PLEKHA6: variants seen among roughly 807,000 people sequenced by gnomAD.
PLEKHA6 encodes the protein pleckstrin homology domain-containing family A member 6.
Under a neutral mutation model 116.7 loss-of-function variants are expected in PLEKHA6, and 60 were observed. The ratio of observed to expected loss-of-function variants is 0.51; its 90% confidence interval spans 0.42 to 0.64. PLEKHA6 has a LOEUF of 0.64. Among genes scored for constraint, PLEKHA6 ranks in the 30% least tolerant of loss-of-function variants. The probability of loss-of-function intolerance (pLI) is 0.00; values close to 1 mark genes in which losing one functional copy is unlikely to be tolerated. For missense variants in PLEKHA6, 1,338 were observed against 1,422.7 expected (o/e 0.94, Z 0.96); for synonymous variants, 489 against 556.1 (o/e 0.88, Z 1.70).
intron 22 of PLEKHA6, among the ~76,000 whole-genome samples, 162 bp from the exon 23 acceptor site, chr1:204,222,941 C>G (rs1018598918): frequency 3.3e-5 from 5 of 152,224 alleles, no homozygotes; most frequent in African/African-American, 1.2e-4. Flanking sequence ...AGTCAGTGTT[C>G]TTTTCTACTT....
chr1:204,313,657 C>T (rs1323837362), intron 1 of PLEKHA6: 20 of 984,542 alleles, frequency 2.0e-5, no homozygotes, highest in East Asian at 2.3e-4. Flanking sequence ...CACCTCCATG[C>T]CCCCATCCTC....
Position 204,247,416 on chromosome 1 carries a change from C to T in PLEKHA6, c.1869G>A (p.Glu623=), listed in dbSNP as rs751681297. 1 of 1,613,578 alleles carries T rather than the reference C, an allele frequency of 6.2e-7. No homozygotes were observed. Among genetic ancestry groups the T allele is most frequent in the Non-Finnish European group, 8.5e-7 (1 of 1,179,654 alleles). Residue 623 remains glutamate (E), a synonymous_variant, in exon 13 of 23, where the codon GAG becomes GAA. Transcript: ENST00000272203. ...AGAGGTCATCGTGCAGGGCAGAGAC[C>T]TCAGACTCGAGGTGCTCATACTCTA... ...STIEYEHLES[E]VSALHDDLWE... is the part of the protein sequence containing the mutation.
chr1:204,261,469 T>A lies in PLEKHA6; in HGVS notation c.382-21A>T. 6.3e-7 allele frequency: 1 copy of A among 1,593,664 alleles called. No homozygotes were observed. The highest frequency in any genetic ancestry group is 8.6e-7 in the Non-Finnish European group (1 of 1,168,404). On this transcript the variant is annotated intron_variant, in intron 6 of 22. Coordinates refer to ENST00000272203, the MANE Select transcript of PLEKHA6 (RefSeq NM_014935.5). The surrounding 1 kb of genome is among the most constrained non-coding windows in gnomAD (Gnocchi z 4.0). ...TCAGCCTGTGGGGAGAGGCAGCGTGTGGAGCTGGCCTCGGCCTCATCCACC... is the reference window on the plus strand; with the variant it reads ...TCAGCCTGTGGGGAGAGGCAGCGTGAGGAGCTGGCCTCGGCCTCATCCACC...
At chr1:204,327,098 G>T in intron 1 of PLEKHA6, 1 of 699,990 alleles carries the variant, frequency 1.4e-6, no homozygotes, top group Non-Finnish European at 1.8e-6. Context: ...GCCACTCTCT[G>T]CTCACATGCT....
chr1:204,253,922 T>A (rs546651479), intron 9 of PLEKHA6, among the ~76,000 whole-genome samples: 1 of 151,916 alleles, frequency 6.6e-6, no homozygotes, highest in South Asian at 2.1e-4. Flanking sequence ...TCTGGAAGGC[T>A]AGTTCTGAAG....
intron 1 of PLEKHA6, among the ~76,000 whole-genome samples, chr1:204,294,854 A>G (rs1670119340): frequency 6.6e-6 from 1 of 152,212 alleles, no homozygotes; most frequent in African/African-American, 2.4e-5. Flanking sequence ...CACTTAGTAA[A>G]TGTTCAATAA....
chr1:204,306,350 G>A (rs1671302056), intron 1 of PLEKHA6, among the ~76,000 whole-genome samples: 1 of 152,076 alleles, frequency 6.6e-6, no homozygotes, highest in African/African-American at 2.4e-5. Flanking sequence ...TTGCCACCAA[G>A]AAACACCACA....
intron 1 of PLEKHA6, among the ~76,000 whole-genome samples, chr1:204,345,289 G>GT (rs148626172): frequency 0.017 from 2,561 of 152,168 alleles, 63 homozygotes; most frequent in African/African-American, 0.055. Context: ...GACACTCTCT[G>GT]TCTCCATGCT....
At chr1:204,346,187 G>C (rs1673039007) in intron 1 of PLEKHA6, among the ~76,000 whole-genome samples, 1 of 152,168 alleles carries the variant, frequency 6.6e-6, no homozygotes, top group African/African-American at 2.4e-5. Flanking sequence ...ACTGGGTGTG[G>C]TCTCTGATTC....
rs138952037 is a variant in PLEKHA6 at position 204,218,962 on chromosome 1, A to C, written c.*3826T>G. 1.0e-4 allele frequency: 16 copies of C among 152,692 alleles called. No individual in the cohort carries two copies. Among genetic ancestry groups the C allele is most frequent in the Admixed American group, 3.9e-4 (6 of 15,304 alleles). 9.5% of individuals were successfully genotyped at this position (152,692 alleles called of 1,614,324 possible). Reference sequence around the variant, plus strand: ...CCTAAATCTAAAAAGAATGCTGCTGAAAGGGGGAAGCAAACTCTCACCTGT... The same window carrying C: ...CCTAAATCTAAAAAGAATGCTGCTGCAAGGGGGAAGCAAACTCTCACCTGT... On this transcript the variant is annotated 3_prime_UTR_variant, in exon 23 of 23. Transcript: ENST00000272203.
chr1:204,305,234 T>C (rs957935756), intron 1 of PLEKHA6, among the ~76,000 whole-genome samples: 1 of 152,194 alleles, frequency 6.6e-6, no homozygotes, highest in Non-Finnish European at 1.5e-5. Context: ...CTATCACTGC[T>C]TCTTTCTCAT....
chr1:204,252,938 G>A (rs1664758206), intron 9 of PLEKHA6, among the ~76,000 whole-genome samples: 1 of 152,256 alleles, frequency 6.6e-6, no homozygotes, highest in Non-Finnish European at 1.5e-5. Context: ...GAAGCGAGCA[G>A]GAGTGTTCTC....
intron 1 of PLEKHA6, among the ~76,000 whole-genome samples, chr1:204,334,281 C>T (rs1445216502): frequency 1.3e-5 from 2 of 152,142 alleles, no homozygotes; most frequent in Non-Finnish European, 2.9e-5. Flanking sequence ...ATGAGTGGGA[C>T]GCAAAGCCTT....
chr1:204,344,428 C>T (rs1380480803), intron 1 of PLEKHA6, among the ~76,000 whole-genome samples: 3 of 151,866 alleles, frequency 2.0e-5, no homozygotes, highest in South Asian at 4.2e-4. Flanking sequence ...GGTGAAACCC[C>T]GTCTCTACTA....
intron 13 of PLEKHA6, among the ~76,000 whole-genome samples, chr1:204,246,502 G>A (rs773257243): frequency 1.5e-4 from 23 of 152,288 alleles, no homozygotes; most frequent in Middle Eastern, 6.8e-3. Context: ...TGGACCAGGT[G>A]GGTCTTCACC....
chr1:204,281,455 G>A (rs991733917), intron 1 of PLEKHA6, among the ~76,000 whole-genome samples: 1 of 152,122 alleles, frequency 6.6e-6, no homozygotes, highest in African/African-American at 2.4e-5. Context: ...AACCCAGGAG[G>A]TGGAGCTTGC....
At position 204,223,326 on chromosome 1, in the gene PLEKHA6, T is replaced by C. The variant is rs1659877339; in HGVS notation, c.*8+136A>G. 3 of 654,852 alleles carry C rather than the reference T, an allele frequency of 4.6e-6. No individual in the cohort carries two copies. In the African/African-American group the frequency reaches 5.4e-5, roughly 12 times the overall value. 40.6% of individuals were successfully genotyped at this position (654,852 alleles called of 1,614,324 possible). A position where few individuals can be genotyped will look rare whatever the true frequency, so the allele number is the denominator to read the frequency against. ...ACGGATGGATGGATGAATGGATGGA[T>C]AGTGGGGAGGAGCAGCACAGGGCAC... On this transcript the variant is annotated intron_variant, in intron 22 of 22. Coordinates refer to ENST00000272203, the MANE Select transcript of PLEKHA6 (RefSeq NM_014935.5). This position sits in a 1 kb window ranked among gnomAD's most constrained non-coding sequence, Gnocchi z 4.8.
At chr1:204,339,745 T>C (rs1034251746) in intron 1 of PLEKHA6, among the ~76,000 whole-genome samples, 1 of 152,170 alleles carries the variant, frequency 6.6e-6, no homozygotes. Flanking sequence ...AATCCAGTAA[T>C]GGAGCAACAT....
chr1:204,315,208 C>T (rs1671809974), intron 1 of PLEKHA6, among the ~76,000 whole-genome samples: 1 of 152,180 alleles, frequency 6.6e-6, no homozygotes, highest in African/African-American at 2.4e-5. Flanking sequence ...ATTTCCCCTC[C>T]ACTGGCTATG....
Sources: gnomAD v4.1 joint callset for allele counts (sites outside exome capture counted in the v4.1 genomes callset) on GRCh38, gnomAD v4.1.1 for gene constraint, Gnocchi (gnomAD v3.1) non-coding constraint, MANE v1.5 for transcripts, NCBI Gene and HGNC (gene_info 2026-07-23, HGNC 2026-07-21) for gene names.